The following DIP2C variants were observed in gnomAD, a reference collection of about 807,000 sequenced individuals.
The protein encoded by DIP2C is DIP2 acetate--CoA ligase C (putative).
A neutral mutation model predicts 192.4 loss-of-function variants in DIP2C; 33 were observed. The observed-to-expected ratio is 0.17, with a 90% CI of 0.13 to 0.23. The LOEUF is 0.23. Among genes scored for constraint, DIP2C ranks in the 10% least tolerant of loss-of-function variants. The pLI, the probability that DIP2C is intolerant of heterozygous loss-of-function variation, is 1.00. For synonymous variants in DIP2C, 979 were observed against 864.1 expected (o/e 1.13, Z -2.33); for missense variants, 1,537 against 2,110.1 (o/e 0.73, Z 5.32).
chr10:492,039 G>A (rs1175545845), intron 1 of DIP2C, among the ~76,000 whole-genome samples: 1 of 152,026 alleles, frequency 6.6e-6, no homozygotes, highest in African/African-American at 2.4e-5. Context: ...CAGAAAACAG[G>A]GGCTAAGAGG....
intron 35 of DIP2C, 31 bp from the exon 36 acceptor site, chr10:281,354 C>T (rs777765347): frequency 5.1e-6 from 8 of 1,576,188 alleles, no homozygotes; most frequent in Non-Finnish European, 6.9e-6. Context: ...GCGTAAGCTT[C>T]CCCATAATGC....
At chr10:548,547 G>A (rs1318052351) in intron 1 of DIP2C, among the ~76,000 whole-genome samples, 2 of 148,772 alleles carry the variant, frequency 1.3e-5, no homozygotes, top group African/African-American at 2.5e-5. Context: ...GGCAGGCAGC[G>A]AGGACAGAGG....
chr10:502,337 G>A (rs187666383), intron 1 of DIP2C, among the ~76,000 whole-genome samples: 50 of 152,270 alleles, frequency 3.3e-4, no homozygotes, highest in Admixed American at 2.9e-3. Context: ...AAACCACCAT[G>A]AGTGTTCAAA....
rs148584774 is a variant in DIP2C at position 423,846 on chromosome 10, G to A, written c.395-813C>T. Among the ~76,000 whole-genome samples, 708 of 152,278 alleles carry A rather than the reference G, an allele frequency of 4.6e-3. 18 individuals are homozygous for A. Among genetic ancestry groups the A allele is most frequent in the Non-Finnish European group, 1.9e-3 (126 of 68,018 alleles). ...CTCCACCTCCCCGTTTTCCTCCGGGGCACACGACAAACCTTCATCACGTCA... is the reference window on the plus strand; with the variant it reads ...CTCCACCTCCCCGTTTTCCTCCGGGACACACGACAAACCTTCATCACGTCA... On this transcript the variant is annotated intron_variant, in intron 4 of 36. Coordinates refer to ENST00000280886, the MANE Select transcript of DIP2C (RefSeq NM_014974.3).
chr10:417,848 A>G lies in DIP2C; in HGVS notation c.739+1217T>C, dbSNP rs796611496. On this transcript the variant is annotated intron_variant, in intron 6 of 36. Coordinates refer to ENST00000280886, the MANE Select transcript of DIP2C (RefSeq NM_014974.3). The stretch of plus-strand genomic sequence containing the variant: ...CGGACAGGCCTCCCTGTCCACCTGC[A>G]CCTGTCAGAGCTCGGACAGGCCTCC... Among the ~76,000 whole-genome samples the G allele has an allele frequency of 2.1e-3, 64 of 30,406 alleles. 10 individuals carry two copies. Among genetic ancestry groups the G allele is most frequent in the African/African-American group, 0.012 (41 of 3,386 alleles). The allele number at this position is 30,406 out of a possible 152,430, so 19.9% of individuals were successfully genotyped here.
chr10:581,209 G>A (rs1312068444), intron 1 of DIP2C, among the ~76,000 whole-genome samples: 2 of 152,122 alleles, frequency 1.3e-5, no homozygotes, highest in African/African-American at 4.8e-5. Flanking sequence ...TAGTCTACTT[G>A]TTTCCCTTTC....
Position 364,611 on chromosome 10 carries a change from T to TG in DIP2C, c.2269-30dup, listed in dbSNP as rs1418823177. On this transcript the variant is annotated intron_variant, in intron 19 of 36. Coordinates refer to ENST00000280886, the MANE Select transcript of DIP2C (RefSeq NM_014974.3). ...GGGGAAACAGCATCCATCAGGCCACTGTTCATGTGGTCAGCTGGTTTTAAT... is the reference window on the plus strand; with the variant it reads ...GGGGAAACAGCATCCATCAGGCCACTGGTTCATGTGGTCAGCTGGTTTTAAT... The TG allele has an allele frequency of 3.1e-6, 5 of 1,605,944 alleles. No individual in the cohort carries two copies. The African/African-American group carries it at 6.7e-5, about 21-fold the overall frequency.
chr10:328,787 A>G (rs1031334918), intron 30 of DIP2C, among the ~76,000 whole-genome samples: 5 of 152,358 alleles, frequency 3.3e-5, no homozygotes, highest in Middle Eastern at 3.4e-3. Context: ...ACACACATCC[A>G]AAGAGTACAA....
At chr10:544,898 CATTTTT>C (rs1226938448) in intron 1 of DIP2C, among the ~76,000 whole-genome samples, 3 of 152,144 alleles carry the variant, frequency 2.0e-5, no homozygotes, top group Admixed American at 2.0e-4. Context: ...CTGAAATGAA[CATTTTT>C]AATTTTGATA....
rs1436599275 is a variant in DIP2C, at chr10:364,483, C to T, written c.2368G>A (p.Val790Met). 4 of 1,614,196 alleles carry T rather than the reference C, an allele frequency of 2.5e-6. No individual in the cohort carries two copies. Among genetic ancestry groups the T allele is most frequent in the Non-Finnish European group, 3.4e-6 (4 of 1,180,046 alleles). Residue 790 changes from valine (V) to methionine (M), a missense_variant, in exon 20 of 37, where the codon GTG (valine) becomes ATG (methionine). Physicochemically the swap from Val to Met is conservative, Grantham distance 21. Transcript: ENST00000280886. ...FVGPGGLVFV[V>M]GKMDGLMVVS... The stretch of plus-strand genomic sequence containing the variant: ...ACCATGAGGCCATCCATCTTGCCCA[C>T]CACGAAGACGAGGCCTCCGGGACCC...
intron 10 of DIP2C, among the ~76,000 whole-genome samples, chr10:391,728 G>A (rs561365563): frequency 2.0e-4 from 31 of 152,254 alleles, no homozygotes; most frequent in African/African-American, 6.5e-4. Flanking sequence ...CACCGTCTTC[G>A]CTCCCCAGAT....
intron 1 of DIP2C, among the ~76,000 whole-genome samples, chr10:564,699 T>G (rs1428954245): frequency 1.3e-5 from 2 of 152,180 alleles, no homozygotes; most frequent in African/African-American, 2.4e-5. Flanking sequence ...TGAGCCAATA[T>G]GCCCGAAGCA....
At chr10:359,110 GA>G (rs1959195247) in intron 22 of DIP2C, among the ~76,000 whole-genome samples, 1 of 152,146 alleles carries the variant, frequency 6.6e-6, no homozygotes, top group Non-Finnish European at 1.5e-5. Flanking sequence ...AGATGCAGCT[GA>G]CGGGGCAGTG....
intron 17 of DIP2C, among the ~76,000 whole-genome samples, chr10:377,083 G>A (rs2132842454): frequency 6.6e-6 from 1 of 151,432 alleles, no homozygotes; most frequent in East Asian, 1.9e-4. Flanking sequence ...TTTACAAGCT[G>A]CACAGCACGG....
intron 1 of DIP2C, among the ~76,000 whole-genome samples, chr10:614,508 G>A (rs906252071): frequency 6.6e-6 from 1 of 152,168 alleles, no homozygotes. Flanking sequence ...CCCCCCACGA[G>A]GCTCTCCAGC....
chr10:592,545 G>C (rs181637311), intron 1 of DIP2C, among the ~76,000 whole-genome samples: 323 of 152,284 alleles, frequency 2.1e-3, no homozygotes, highest in African/African-American at 6.9e-3. Flanking sequence ...TGCTTAAAGT[G>C]AACTGACTAG....
At chr10:436,192 T>C (rs1360515074) in intron 4 of DIP2C, among the ~76,000 whole-genome samples, 1 of 152,268 alleles carries the variant, frequency 6.6e-6, no homozygotes, top group East Asian at 1.9e-4. Flanking sequence ...CACATTTTAC[T>C]GCCTTTTTCT....
intron 1 of DIP2C, among the ~76,000 whole-genome samples, chr10:538,156 C>T (rs548594980): frequency 6.6e-6 from 1 of 152,132 alleles, no homozygotes; most frequent in Admixed American, 6.5e-5. Flanking sequence ...ATAACAAATG[C>T]TTCCCGAGGA....
intron 9 of DIP2C, among the ~76,000 whole-genome samples, chr10:405,251 C>CAG (rs889640699): frequency 4.9e-4 from 74 of 152,356 alleles, no homozygotes; most frequent in African/African-American, 1.4e-3. Context: ...CCTCCTCTCC[C>CAG]AGCTCCTGTT....
Sources: gnomAD v4.1 joint callset for allele counts (sites outside exome capture counted in the v4.1 genomes callset) on GRCh38, gnomAD v4.1.1 for gene constraint, MANE v1.5 for transcripts, NCBI Gene and HGNC (gene_info 2026-07-23, HGNC 2026-07-21) for gene names.